Variants in CFAP77 observed in about 807,000 individuals in gnomAD.
CFAP77 encodes the protein cilia- and flagella-associated protein 77.
Under a neutral mutation model 31.1 loss-of-function variants are expected in CFAP77, and 25 were observed. The observed-to-expected ratio is 0.80, with a 90% CI of 0.59 to 1.12. The LOEUF is 1.12. Among genes scored for constraint, CFAP77 ranks in the 50% most tolerant of loss-of-function variants. CFAP77 has a pLI of 0.00. For missense variants in CFAP77, 377 were observed against 397.3 expected, an observed-to-expected ratio of 0.95 and a Z score of 0.44; for synonymous variants, 151 against 159.9, an observed-to-expected ratio of 0.94 and a Z score of 0.42.
intron 3 of CFAP77, among the ~76,000 whole-genome samples, chr9:132,531,635 G>T (rs900668753): frequency 1.1e-4 from 15 of 141,942 alleles, no homozygotes; most frequent in South Asian, 5.1e-4. Context: ...TGGGGGGGGG[G>T]GCATGGAAGG....
In CFAP77 at chr9:132,553,231, C is replaced by T. The variant is rs995142272; in HGVS notation, c.732+10184C>T. 4.6e-5 allele frequency among the ~76,000 whole-genome samples: 7 copies of T among 152,294 alleles called. No homozygotes were observed. The South Asian group carries it at 6.2e-4, about 14-fold the overall frequency. ...TCCTATCATGGGGGCCCCACCCTCA[C>T]GATCCCATTTAAACCTAATCAACTC... On this transcript the variant is annotated intron_variant, in intron 5 of 5. Coordinates refer to ENST00000393216, the MANE Select transcript of CFAP77 (RefSeq NM_001282957.2).
chr9:132,550,996 C>T (rs1344450487), intron 5 of CFAP77, among the ~76,000 whole-genome samples: 5 of 152,050 alleles, frequency 3.3e-5, no homozygotes, highest in Non-Finnish European at 5.9e-5. Context: ...AAGTGCATGG[C>T]GTCAGTGAAC....
At position 132,497,146 on chromosome 9, in the gene CFAP77, G is replaced by T. The variant is rs1255985427; in HGVS notation, c.196-1549G>T. On this transcript the variant is annotated intron_variant, in intron 1 of 5. Transcript: ENST00000393216. The surrounding 1 kb of genome is among the most constrained non-coding windows in gnomAD (Gnocchi z 4.9). ...GTGGGTTTGTCTATCTCAACAGGGG[G>T]TGCTGTGGGGGAGCCTGGGAGGCAA... Among the ~76,000 whole-genome samples the T allele has an allele frequency of 2.6e-5, 4 of 151,892 alleles. No homozygotes were observed. The highest frequency in any genetic ancestry group is 2.6e-4 in the Admixed American group (4 of 15,256).
At chr9:132,533,055 C>G (rs1049805473) in intron 3 of CFAP77, among the ~76,000 whole-genome samples, 11 of 152,288 alleles carry the variant, frequency 7.2e-5, no homozygotes, top group African/African-American at 2.6e-4. Flanking sequence ...TTGGGAGGCT[C>G]AGAGCCTGGG....
At position 132,480,012 on chromosome 9, in the gene CFAP77, G is replaced by A. The variant is rs781280465; in HGVS notation, c.196-18683G>A. Reference sequence around the variant, plus strand: ...CAGGAGAAGCAGATGATGCGGCTCTGGATGACACGGATGGAGACGCGCTCC... The same window carrying A: ...CAGGAGAAGCAGATGATGCGGCTCTAGATGACACGGATGGAGACGCGCTCC... On this transcript the variant is annotated intron_variant, in intron 1 of 5. Transcript: ENST00000393216. This position sits in a 1 kb window ranked among gnomAD's most constrained non-coding sequence, Gnocchi z 5.8. 1.6e-4 allele frequency among the ~76,000 whole-genome samples: 25 copies of A among 152,210 alleles called. No homozygotes were observed. Among genetic ancestry groups the A allele is most frequent in the South Asian group, 4.1e-4 (2 of 4,828 alleles).
intron 5 of CFAP77, among the ~76,000 whole-genome samples, chr9:132,561,371 C>T (rs563895459): frequency 6.6e-6 from 1 of 151,726 alleles, no homozygotes; most frequent in East Asian, 1.9e-4. Context: ...GTTTTCCCCC[C>T]CCAAATCCTC....
intron 1 of CFAP77, among the ~76,000 whole-genome samples, chr9:132,430,819 A>G (rs76939510): frequency 1.3e-5 from 2 of 152,158 alleles, no homozygotes; most frequent in East Asian, 3.9e-4. Flanking sequence ...AAAAAAAAAA[A>G]GAAGATGCTA....
chr9:132,476,760 G>T (rs1230067002), intron 1 of CFAP77, among the ~76,000 whole-genome samples: 2 of 152,176 alleles, frequency 1.3e-5, no homozygotes, highest in African/African-American at 2.4e-5. Context: ...AAGCCAAGGA[G>T]CACCGCAGAC....
Position 132,410,288 on chromosome 9 carries a change from G to A in CFAP77, c.17G>A (p.Ser6Asn). The change falls in exon 1 of 6, where the codon AGC becomes AAC. Residue 6 changes from serine (S) to asparagine (N), a missense_variant. Coordinates refer to ENST00000393216, the MANE Select transcript of CFAP77 (RefSeq NM_001282957.2). MPEAR[S>N]SGPDLTRWRK... ...ACCTCAAGGATGCCAGAGGCCAGGAGCTCCGGCCCGGACCTCACGCGATGG... is the reference window on the plus strand; with the variant it reads ...ACCTCAAGGATGCCAGAGGCCAGGAACTCCGGCCCGGACCTCACGCGATGG... 1 of 1,581,648 alleles carries A rather than the reference G, an allele frequency of 6.3e-7. No individual in the cohort carries two copies. Among genetic ancestry groups the A allele is most frequent in the South Asian group, 1.1e-5 (1 of 88,130 alleles).
In CFAP77 at chr9:132,516,799, AG is replaced by A. The variant is rs1382559775; in HGVS notation, c.524+17200del. Among the ~76,000 whole-genome samples, 10 of 152,084 alleles carry A rather than the reference AG, an allele frequency of 6.6e-5. No individual in the cohort carries two copies. In the East Asian group the frequency reaches 1.9e-3, roughly 29 times the overall value. ...GTGAATCTACAATGATCTCCATAAA[AG>A]TTTCAGTTTAAAAAAAAATAGATTT... On this transcript the variant is annotated intron_variant, in intron 3 of 5. Coordinates refer to ENST00000393216, the MANE Select transcript of CFAP77 (RefSeq NM_001282957.2).
chr9:132,411,911 G>A (rs1341032105), intron 1 of CFAP77, among the ~76,000 whole-genome samples: 1 of 152,058 alleles, frequency 6.6e-6, no homozygotes, highest in Admixed American at 6.5e-5. Context: ...ATGCATTTGT[G>A]TATGCACCCA....
rs1463263919 is a variant in CFAP77 at position 132,497,411 on chromosome 9, C to T, written c.196-1284C>T. Among the ~76,000 whole-genome samples, 2 of 152,226 alleles carry T rather than the reference C, an allele frequency of 1.3e-5. No homozygotes were observed. Among genetic ancestry groups the T allele is most frequent in the Admixed American group, 6.5e-5 (1 of 15,286 alleles). ...TGGCGCAGCCAGAGTGGAGAGATCC[C>T]GGGAAATGTAACACCCTGTGACTTC... On this transcript the variant is annotated intron_variant, in intron 1 of 5. Coordinates refer to ENST00000393216, the MANE Select transcript of CFAP77 (RefSeq NM_001282957.2). The surrounding 1 kb of genome is among the most constrained non-coding windows in gnomAD (Gnocchi z 4.9).
At chr9:132,415,403 A>G (rs567723307) in intron 1 of CFAP77, among the ~76,000 whole-genome samples, 1 of 152,266 alleles carries the variant, frequency 6.6e-6, no homozygotes, top group African/African-American at 2.4e-5. Flanking sequence ...CAGAAAGCCG[A>G]GCTGCCCCCT....
At chr9:132,532,925 C>T (rs184759605) in intron 3 of CFAP77, among the ~76,000 whole-genome samples, 64 of 152,306 alleles carry the variant, frequency 4.2e-4, no homozygotes, top group East Asian at 2.7e-3. Context: ...TGGTGGCGCA[C>T]GCCTGAGGTC....
At chr9:132,521,762 CTTTTTTTTTT>C (rs774087426) in intron 3 of CFAP77, among the ~76,000 whole-genome samples, 22 of 62,564 alleles carry the variant, frequency 3.5e-4, no homozygotes, top group African/African-American at 1.4e-3. Flanking sequence ...AATAGACTTG[CTTTTTTTTTT>C]TTTTTTTTTT....
intron 5 of CFAP77, among the ~76,000 whole-genome samples, chr9:132,548,286 G>GGGGGGGGGGGGGGGCCCCC (rs1564248910): frequency 2.3e-5 from 3 of 129,002 alleles, no homozygotes; most frequent in East Asian, 2.6e-4. Flanking sequence ...GGGGGGTGGG[G>GGGGGGGGGGGGGGGCCCCC]GGTGAAGCTG....
intron 1 of CFAP77, among the ~76,000 whole-genome samples, chr9:132,464,947 T>G (rs1407197062): frequency 2.0e-5 from 3 of 151,650 alleles, no homozygotes; most frequent in African/African-American, 4.8e-5. Flanking sequence ...GGTGCATGCC[T>G]ATAATAATCC....
At chr9:132,518,782 AC>A (rs1852194300) in intron 3 of CFAP77, among the ~76,000 whole-genome samples, 1 of 152,064 alleles carries the variant, frequency 6.6e-6, no homozygotes, top group South Asian at 2.1e-4. Context: ...CCCTCATCCA[AC>A]CCACTTGCTG....
At chr9:132,444,073 C>A (rs1448442237) in intron 1 of CFAP77, among the ~76,000 whole-genome samples, 1 of 152,258 alleles carries the variant, frequency 6.6e-6, no homozygotes, top group African/African-American at 2.4e-5. Context: ...AGCTGAGCAG[C>A]CACCAGGGTG....
Sources: gnomAD v4.1 joint callset for allele counts (sites outside exome capture counted in the v4.1 genomes callset) on GRCh38, gnomAD v4.1.1 for gene constraint, Gnocchi (gnomAD v3.1) non-coding constraint, MANE v1.5 for transcripts, NCBI Gene and HGNC (gene_info 2026-07-23, HGNC 2026-07-21) for gene names.